The following DMD variants were observed in gnomAD, a reference collection of about 807,000 sequenced individuals.
DMD encodes dystrophin.
A neutral mutation model predicts 330.1 loss-of-function variants in DMD; 63 were observed. That is an observed-to-expected ratio of 0.19 (90% CI 0.16 to 0.24). DMD has a LOEUF of 0.24. Ranked by LOEUF, DMD falls within the 10% of genes least tolerant of loss-of-function variation. DMD has a pLI of 1.00. For synonymous variants in DMD, 1,223 were observed against 959.8 expected (o/e 1.27, Z -5.07); for missense variants, 3,344 against 2,684.1 (o/e 1.25, Z -5.43).
At chrX:32,736,614 T>A (rs1192055558) in intron 7 of DMD, among the ~76,000 whole-genome samples, 1 of 110,355 alleles carries the variant, frequency 9.1e-6, no homozygotes, top group Non-Finnish European at 1.9e-5. Flanking sequence ...ATGTCCTTTG[T>A]AGGGACATGG....
At chrX:33,141,894 T>C (rs773088073) in intron 1 of DMD, among the ~76,000 whole-genome samples, 2 of 111,995 alleles carry the variant, frequency 1.8e-5, no homozygotes, top group East Asian at 5.7e-4. Flanking sequence ...TTACTCGCCA[T>C]GAAAACACAA....
intron 43 of DMD, among the ~76,000 whole-genome samples, chrX:32,252,727 T>A (rs1352395952): frequency 2.2e-5 from 1 of 44,546 alleles, no homozygotes; most frequent in African/African-American, 1.2e-4. Flanking sequence ...TATATATAAA[T>A]ATATAAATAT....
chrX:32,786,087 G>GTGTGTA (rs1491510776), intron 7 of DMD, among the ~76,000 whole-genome samples: 472 of 38,818 alleles, frequency 0.012, 2 homozygotes, highest in African/African-American at 0.11. Context: ...AGGAATAAGA[G>GTGTGTA]TGTGTGTGTG....
intron 43 of DMD, among the ~76,000 whole-genome samples, chrX:32,261,992 T>G (rs1233079411): frequency 8.9e-6 from 1 of 111,901 alleles, no homozygotes; most frequent in African/African-American, 3.2e-5. Flanking sequence ...CAAATATTTT[T>G]GGGTAATTAG....
At chrX:31,544,610 G>A (rs1301042665) in intron 55 of DMD, among the ~76,000 whole-genome samples, 1 of 111,258 alleles carries the variant, frequency 9.0e-6, no homozygotes, top group Non-Finnish European at 1.9e-5. Context: ...CAGTCATACT[G>A]GACATCTACT....
rs369583884 is a variant in DMD, at chrX:31,729,694, C to T, written c.7597G>A (p.Ala2533Thr). 2.6e-5 allele frequency: 31 copies of T among 1,209,585 alleles called. No individual in the cohort carries two copies. Among genetic ancestry groups the T allele is most frequent in the South Asian group, 1.2e-4 (7 of 56,800 alleles). The part of the protein sequence containing the change: ...RRPQLEELIT[A>T]AQNLKNKTSN... ...GTCTTGTTTTTCAAATTTTGGGCAG[C>T]GGTAATGAGTTCTTCCAACTGGGGA... Residue 2533 changes from alanine (A) to threonine (T), a missense_variant, in exon 52 of 79, where the codon GCT becomes ACT. By Grantham distance (58) the Ala-to-Thr change is moderately conservative (BLOSUM62 0). Coordinates refer to ENST00000357033, the MANE Select transcript of DMD (RefSeq NM_004006.3).
chrX:31,973,220 C>T (rs1000111164), intron 44 of DMD, among the ~76,000 whole-genome samples: 7 of 106,010 alleles, frequency 6.6e-5, no homozygotes, highest in Admixed American at 1.0e-4. Flanking sequence ...TGAGGATAGT[C>T]AGAACAATTG....
chrX:32,310,422 G>T, intron 41 of DMD, 146 bp from the exon 42 acceptor site: 1 of 489,450 alleles, frequency 2.0e-6, no homozygotes, highest in Admixed American at 3.6e-5. Flanking sequence ...ACGATGGTAA[G>T]TCTAGTAAAA....
chrX:31,288,528 T>C (rs1171234353), intron 62 of DMD, among the ~76,000 whole-genome samples: 2 of 111,963 alleles, frequency 1.8e-5, no homozygotes, highest in African/African-American at 6.5e-5. Flanking sequence ...TGTGGGTATG[T>C]TCCCGACAAT....
chrX:32,765,230 T>C (rs1320098354), intron 7 of DMD, among the ~76,000 whole-genome samples: 1 of 111,173 alleles, frequency 9.0e-6, no homozygotes, highest in Non-Finnish European at 1.9e-5. Context: ...ATGTTGGAGT[T>C]GGTGTCTGGT....
intron 51 of DMD, among the ~76,000 whole-genome samples, chrX:31,772,635 C>T (rs1233597055): frequency 1.8e-5 from 2 of 110,819 alleles, no homozygotes; most frequent in East Asian, 5.7e-4. Flanking sequence ...ATATTACTTG[C>T]TACGTATACT....
intron 37 of DMD, among the ~76,000 whole-genome samples, chrX:32,357,279 T>C (rs1351991087): frequency 1.8e-5 from 2 of 111,886 alleles, no homozygotes; most frequent in Non-Finnish European, 3.8e-5. Context: ...GGTCCTTGTA[T>C]GTAATGACTT....
At chrX:33,108,500 A>T (rs1411664004) in intron 1 of DMD, among the ~76,000 whole-genome samples, 1 of 107,106 alleles carries the variant, frequency 9.3e-6, no homozygotes, top group African/African-American at 3.4e-5. Context: ...TCCTGATCTC[A>T]GGTGATCGGA....
chrX:31,888,314 G>T (rs1030609180), intron 47 of DMD, among the ~76,000 whole-genome samples: 1 of 111,019 alleles, frequency 9.0e-6, no homozygotes, highest in East Asian at 2.8e-4. Flanking sequence ...TGTTCCAGCC[G>T]CTGCCCTGTA....
At position 31,436,106 on chromosome X, in the gene DMD, T is replaced by A. The variant is rs758003308; in HGVS notation, c.9084+8375A>T. 4.5e-5 allele frequency among the ~76,000 whole-genome samples: 5 copies of A among 111,745 alleles called. No homozygotes were observed. In the East Asian group the frequency reaches 1.4e-3, roughly 31 times the overall value. On this transcript the variant is annotated intron_variant, in intron 60 of 78. Transcript: ENST00000357033. ...TAAATACATGCATGCATAAATACAT[T>A]TTGCTATTTAAACACATTTACTAGG...
At chrX:31,430,493 C>T (rs936906306) in intron 60 of DMD, among the ~76,000 whole-genome samples, 6 of 111,436 alleles carry the variant, frequency 5.4e-5, no homozygotes, top group African/African-American at 1.3e-4. Context: ...GGCAAAGGGG[C>T]CACCACCCAC....
At chrX:32,552,231 A>C (rs2049647885) in intron 16 of DMD, among the ~76,000 whole-genome samples, 1 of 111,930 alleles carries the variant, frequency 8.9e-6, no homozygotes, top group Non-Finnish European at 1.9e-5. Flanking sequence ...ACTATACTAC[A>C]AGGATATAGT....
chrX:32,861,331 G>T (rs1003456268), intron 2 of DMD, among the ~76,000 whole-genome samples: 5 of 111,880 alleles, frequency 4.5e-5, no homozygotes, highest in African/African-American at 1.6e-4. Context: ...AGAATTAAAA[G>T]GGTTAATAAA....
chrX:31,175,882 C>T (rs1042526830), intron 71 of DMD, among the ~76,000 whole-genome samples: 2 of 111,287 alleles, frequency 1.8e-5, no homozygotes, highest in African/African-American at 6.5e-5. Flanking sequence ...GGACAGACAA[C>T]GTAAAGGCCT....
Sources: allele counts gnomAD v4.1 joint callset (sites outside exome capture counted in the v4.1 genomes callset), GRCh38; gene constraint gnomAD v4.1.1; transcripts MANE v1.5; gene names NCBI Gene and HGNC (gene_info 2026-07-23, HGNC 2026-07-21).